PLXND1: variants seen among roughly 807,000 people sequenced by gnomAD.
PLXND1 encodes plexin-D1.
PLXND1 carries 54 observed loss-of-function variants against 197.7 expected under a neutral mutation model. That is an observed-to-expected ratio of 0.27 (90% CI 0.22 to 0.34). PLXND1 has a LOEUF of 0.34. PLXND1 is among the 10% of genes least tolerant of loss of function. PLXND1 has a pLI of 1.00. For synonymous variants in PLXND1, 1,180 were observed against 1,161.2 expected (o/e 1.02, Z -0.33); for missense variants, 2,127 against 2,699.2 (o/e 0.79, Z 4.70).
chr3:129,575,895 C>T (rs756980377), intron 9 of PLXND1, 40 bp from the exon 10 acceptor site: 7 of 1,259,218 alleles, frequency 5.6e-6, no homozygotes, highest in African/African-American at 1.5e-5. Flanking sequence ...TTGAGGAGAA[C>T]CAAGCCAGCA....
rs750746281 is a variant in PLXND1, at chr3:129,606,056, A to G, written c.584T>C (p.Val195Ala). The change falls in exon 1 of 36, where the codon GTT becomes GCT. Residue 195 changes from valine to alanine, a missense_variant. Physicochemically the swap from Val to Ala is moderately conservative, Grantham distance 64. Around this residue, in one of 6 missense-constraint regions of PLXND1, gnomAD observed 1,095 missense variants for 1,259.8 expected, o/e 0.87. Coordinates refer to ENST00000324093, the MANE Select transcript of PLXND1 (RefSeq NM_015103.3). The stretch of plus-strand genomic sequence containing the variant: ...CCCCGCGCCCGCGGCGGGAGGCAGA[A>G]CTAGCCCCACGGTGGACGCGTTCGG... ...NHPNASTVGL[V>A]LPPAAGAGGS... 10 of 1,584,732 alleles carry G rather than the reference A, an allele frequency of 6.3e-6. No homozygotes were observed. In the South Asian group the frequency reaches 1.1e-4, roughly 18 times the overall value.
intron 5 of PLXND1, among the ~76,000 whole-genome samples, chr3:129,584,765 T>A (rs2085436406): frequency 1.3e-5 from 2 of 152,128 alleles, no homozygotes; most frequent in Admixed American, 6.5e-5. Context: ...AAATGAAACA[T>A]CATCTTACAG....
chr3:129,583,358 A>C (rs1361078419), intron 8 of PLXND1, among the ~76,000 whole-genome samples: 1 of 152,222 alleles, frequency 6.6e-6, no homozygotes, highest in East Asian at 1.9e-4. Context: ...TGCCCTGGCT[A>C]TATCAAAATG....
chr3:129,601,883 C>T (rs1246913264), intron 1 of PLXND1, among the ~76,000 whole-genome samples: 2 of 152,312 alleles, frequency 1.3e-5, no homozygotes, highest in Middle Eastern at 3.4e-3. Context: ...AGAACAAGGC[C>T]GGCCCCATCT....
chr3:129,576,777 G>A (rs1177909652), intron 9 of PLXND1, among the ~76,000 whole-genome samples: 1 of 152,190 alleles, frequency 6.6e-6, no homozygotes, highest in East Asian at 1.9e-4. Flanking sequence ...TCAAGGGGCC[G>A]CACACGGTAG....
At position 129,577,259 on chromosome 3, in the gene PLXND1, T is replaced by A. The variant is rs551139158; in HGVS notation, c.2346+1070A>T. ...ACTTCAGTGTTCTAGGAGCAGGCCC[T>A]GGGGAGCAGGAGGGCAGGCGCCCCT... On this transcript the variant is annotated intron_variant, in intron 9 of 35. Coordinates refer to ENST00000324093, the MANE Select transcript of PLXND1 (RefSeq NM_015103.3). The surrounding 1 kb of genome is among the most constrained non-coding windows in gnomAD (Gnocchi z 5.0). Among the ~76,000 whole-genome samples the A allele has an allele frequency of 2.0e-5, 3 of 152,138 alleles. No individual in the cohort carries two copies. The highest frequency in any genetic ancestry group is 4.4e-5 in the Non-Finnish European group (3 of 68,014).
At chr3:129,560,534 G>C (rs956799118) in intron 30 of PLXND1, 100 bp from the exon 31 acceptor site, 2 of 980,004 alleles carry the variant, frequency 2.0e-6, no homozygotes, top group Non-Finnish European at 3.2e-6. Context: ...CAAGGGCTGT[G>C]GTTCCCTCCT....
Position 129,562,778 on chromosome 3 carries a change from C to T in PLXND1, c.4825+9G>A. 6.3e-7 allele frequency: 1 copy of T among 1,587,190 alleles called. No individual in the cohort carries two copies. On this transcript the variant is annotated intron_variant, in intron 27 of 35. Coordinates refer to ENST00000324093, the MANE Select transcript of PLXND1 (RefSeq NM_015103.3). ...CTGACACGGGGTCTCTGCCCCCATTCCCACCCACCAAGGTCGACGTCCTCT... is the reference window on the plus strand; with the variant it reads ...CTGACACGGGGTCTCTGCCCCCATTTCCACCCACCAAGGTCGACGTCCTCT...
chr3:129,575,766 C>G lies in PLXND1; in HGVS notation c.2436G>C (p.Val812=), dbSNP rs1400406575. The part of the protein sequence containing the change: ...NESVVRCDQV[V]LHTTRKSQVF... ...CCCATGCTGGAGTCACCCCACTCAC[C>G]ACCACCTGGTCACAGCGTACAACAG... Residue 812 remains valine, a splice_region_variant and synonymous_variant, in exon 10 of 36, where the codon GTG becomes GTC. Coordinates refer to ENST00000324093, the MANE Select transcript of PLXND1 (RefSeq NM_015103.3). 8 of 1,610,106 alleles carry G rather than the reference C, an allele frequency of 5.0e-6. No individual in the cohort carries two copies.
At position 129,577,058 on chromosome 3, in the gene PLXND1, G is replaced by A. The variant is rs867016186; in HGVS notation, c.2347-1203C>T. Among the ~76,000 whole-genome samples, 15 of 152,310 alleles carry A rather than the reference G, an allele frequency of 9.8e-5. No homozygotes were observed. Among genetic ancestry groups the A allele is most frequent in the African/African-American group, 3.1e-4 (13 of 41,574 alleles). On this transcript the variant is annotated intron_variant, in intron 9 of 35. Coordinates refer to ENST00000324093, the MANE Select transcript of PLXND1 (RefSeq NM_015103.3). This position sits in a 1 kb window ranked among gnomAD's most constrained non-coding sequence, Gnocchi z 5.0. ...CTGCTTCTGGGGTCCCAGCCCGGAA[G>A]CTAACACAGGAAAGTGGCTGCTGAC... is the stretch of plus-strand genomic sequence containing the variant.
Position 129,605,716 on chromosome 3 carries a change from G to A in PLXND1, c.924C>T (p.Gly308=), listed in dbSNP as rs747168528. 146 of 1,540,802 alleles carry A rather than the reference G, an allele frequency of 9.5e-5. 1 individual carries two copies. Among genetic ancestry groups the A allele is most frequent in the Middle Eastern group, 1.7e-4 (1 of 5,952 alleles). ...YLALNSEARA[G]DKESQARSLL... Reference sequence around the variant, plus strand: ...GGCTCCGCGCCTGGCTCTCCTTGTCGCCCGCGCGCGCCTCGCTGTTGAGCG... The same window carrying A: ...GGCTCCGCGCCTGGCTCTCCTTGTCACCCGCGCGCGCCTCGCTGTTGAGCG... The change falls in exon 1 of 36, where the codon GGC becomes GGT. Residue 308 remains glycine (G), a synonymous_variant. Transcript: ENST00000324093.
At chr3:129,579,493 G>A (rs1322210134) in intron 8 of PLXND1, among the ~76,000 whole-genome samples, 3 of 152,152 alleles carry the variant, frequency 2.0e-5, no homozygotes, top group Non-Finnish European at 4.4e-5. Context: ...CTTAGTGATC[G>A]CTCTGAGCTG....
chr3:129,556,885 A>G, intron 34 of PLXND1, 194 bp from the exon 35 acceptor site: 1 of 702,918 alleles, frequency 1.4e-6, no homozygotes, highest in Non-Finnish European at 2.4e-6. Context: ...CTCCATCCAG[A>G]GGGTGCTCTC....
In PLXND1 at chr3:129,557,357, C is replaced by G. The variant is rs920344016; in HGVS notation, c.5446-134G>C. On this transcript the variant is annotated intron_variant, in intron 33 of 35. Transcript: ENST00000324093. The surrounding 1 kb of genome is among the most constrained non-coding windows in gnomAD (Gnocchi z 4.8). ...CCCCCGAGGCCCAAAGAGTCTCACC[C>G]GGTCACTGAACGTCCCCGCACTCAG... 1.5e-5 allele frequency: 14 copies of G among 963,524 alleles called. No homozygotes were observed. The highest frequency in any genetic ancestry group is 2.2e-5 in the Non-Finnish European group (14 of 642,440). The allele number at this position is 963,524 out of a possible 1,614,324, so 59.7% of individuals were successfully genotyped here. A position where few individuals can be genotyped will look rare whatever the true frequency, so the allele number is the denominator to read the frequency against.
chr3:129,573,023 C>T, intron 13 of PLXND1, 82 bp from the exon 14 acceptor site: 1 of 871,416 alleles, frequency 1.1e-6, no homozygotes, highest in Non-Finnish European at 1.9e-6. Flanking sequence ...CGCCCCATTC[C>T]ACGCCATGCC....
At position 129,567,855 on chromosome 3, in the gene PLXND1, C is replaced by T. The variant is rs145478060; in HGVS notation, c.3866-50G>A. On this transcript the variant is annotated intron_variant, in intron 20 of 35. Transcript: ENST00000324093. ...AGGCCTCTGGTGCCCTTTGGAAAGC[C>T]TTTATTGGCGCCTGCTGTATTCTGG... 4.1e-4 allele frequency: 466 copies of T among 1,140,886 alleles called. 4 individuals carry two copies. The African/African-American group carries it at 6.4e-3, about 16-fold the overall frequency. The allele number at this position is 1,140,886 out of a possible 1,614,324, so 70.7% of individuals were successfully genotyped here.
intron 7 of PLXND1, among the ~76,000 whole-genome samples, 169 bp downstream of exon 7, chr3:129,583,956 T>C (rs1035839295): frequency 5.3e-5 from 8 of 152,196 alleles, no homozygotes; most frequent in Non-Finnish European, 1.0e-4. Flanking sequence ...TCAGGCAGTA[T>C]GCATTTATTG....
At chr3:129,566,675 C>G (rs1431853050) in intron 22 of PLXND1, 44 bp from the exon 23 acceptor site, 2 of 1,243,422 alleles carry the variant, frequency 1.6e-6, no homozygotes, top group Admixed American at 1.9e-5. Context: ...CTGGACACCC[C>G]CTGCTGGCAT....
chr3:129,573,097 G>A lies in PLXND1; in HGVS notation c.2838-156C>T, dbSNP rs2085261712. 4.9e-6 allele frequency: 3 copies of A among 616,984 alleles called. No homozygotes were observed. The South Asian group carries it at 5.7e-5, about 12-fold the overall frequency. The allele number at this position is 616,984 out of a possible 1,614,324, so 38.2% of individuals were successfully genotyped here. A position where few individuals can be genotyped will look rare whatever the true frequency, so the allele number is the denominator to read the frequency against. On this transcript the variant is annotated intron_variant, in intron 13 of 35. Transcript: ENST00000324093. ...GTTTCCCACAGTTCTGCAACTATAA[G>A]ACACGGGGGTGGGACAAAAGGGTCT...
Sources: allele counts gnomAD v4.1 joint callset (sites outside exome capture counted in the v4.1 genomes callset), GRCh38; gene constraint gnomAD v4.1.1; regional missense constraint gnomAD v4.1.1; non-coding constraint Gnocchi (gnomAD v3.1); transcripts MANE v1.5; gene names NCBI Gene and HGNC (gene_info 2026-07-23, HGNC 2026-07-21).